CRK: variants seen among roughly 807,000 people sequenced by gnomAD.
CRK encodes the protein adapter molecule crk.
In CRK, 4 loss-of-function variants were observed where a neutral mutation model predicts 29.8. The ratio of observed to expected loss-of-function variants is 0.13; its 90% CI spans 0.07 to 0.31. The LOEUF (loss-of-function observed/expected upper bound fraction) is 0.31, where lower values mean the gene tolerates loss of function less well. Ranked by LOEUF, CRK falls within the 10% of genes least tolerant of loss-of-function variation. The probability of loss-of-function intolerance (pLI) is 1.00; values close to 1 mark genes in which losing one functional copy is unlikely to be tolerated. For synonymous variants in CRK, 153 were observed against 164.9 expected (o/e 0.93, Z 0.55); for missense variants, 274 against 396.5 (o/e 0.69, Z 2.62).
intron 1 of CRK, among the ~76,000 whole-genome samples, chr17:1,448,670 C>G (rs1484553099): frequency 2.8e-5 from 4 of 142,920 alleles, no homozygotes; most frequent in African/African-American, 7.9e-5. Flanking sequence ...ATTATAGGTG[C>G]TCAATAAAAA....
At position 1,455,565 on chromosome 17, in the gene CRK, C is replaced by T. The variant is rs191631231; in HGVS notation, c.241+312G>A. Among the ~76,000 whole-genome samples, 23 of 152,308 alleles carry T rather than the reference C, an allele frequency of 1.5e-4. No homozygotes were observed. The East Asian group carries it at 3.7e-3, about 24-fold the overall frequency. ...CCAACATCTCCCTCAGCTCTTTGTC[C>T]CCACGTTGCCTTGCCCTGCCCTACC... is the stretch of plus-strand genomic sequence containing the variant. On this transcript the variant is annotated intron_variant, in intron 1 of 2. Transcript: ENST00000300574.
chr17:1,421,657 C>T lies in CRK; in HGVS notation c.*1856G>A, dbSNP rs1192927029. The stretch of plus-strand genomic sequence containing the variant: ...AGCTGGCTTCCCTGTGCCACGTCAC[C>T]GGTTTCTCAGGTCTCCTCATTCACT... On this transcript the variant is annotated 3_prime_UTR_variant, in exon 3 of 3. Transcript: ENST00000300574. 1.3e-5 allele frequency: 2 copies of T among 152,168 alleles called. No homozygotes were observed. Among genetic ancestry groups the T allele is most frequent in the Non-Finnish European group, 2.9e-5 (2 of 68,040 alleles). 9.4% of individuals were successfully genotyped at this position (152,168 alleles called of 1,614,324 possible).
chr17:1,451,119 C>T (rs368715811), intron 1 of CRK, among the ~76,000 whole-genome samples: 22 of 131,396 alleles, frequency 1.7e-4, no homozygotes, highest in Admixed American at 5.4e-4. Flanking sequence ...ATGAACCCCA[C>T]GGGGCGGAGC....
At chr17:1,431,473 G>C (rs919489802) in intron 2 of CRK, among the ~76,000 whole-genome samples, 5 of 152,178 alleles carry the variant, frequency 3.3e-5, no homozygotes, top group East Asian at 1.9e-4. Context: ...TGTAATCTCA[G>C]CACTTTGGGA....
intron 1 of CRK, among the ~76,000 whole-genome samples, chr17:1,453,816 A>G (rs1250286532): frequency 6.6e-6 from 1 of 152,162 alleles, no homozygotes; most frequent in Non-Finnish European, 1.5e-5. Context: ...CTGAGACAGG[A>G]GAATCCTTTG....
intron 1 of CRK, among the ~76,000 whole-genome samples, chr17:1,440,694 T>C (rs1399809939): frequency 6.6e-6 from 1 of 151,876 alleles, no homozygotes; most frequent in Non-Finnish European, 1.5e-5. Flanking sequence ...GGGTGGATCA[T>C]GAGGACAGGA....
intron 1 of CRK, among the ~76,000 whole-genome samples, chr17:1,439,778 G>A (rs1243883143): frequency 6.6e-6 from 1 of 152,166 alleles, no homozygotes; most frequent in Non-Finnish European, 1.5e-5. Context: ...GGAAGGTCAA[G>A]GCTACAGTGA....
At chr17:1,445,423 A>G (rs1005662353) in intron 1 of CRK, among the ~76,000 whole-genome samples, 2 of 152,218 alleles carry the variant, frequency 1.3e-5, no homozygotes, top group African/African-American at 4.8e-5. Flanking sequence ...AAGGGGTGCG[A>G]GTGCCAGGAC....
At chr17:1,454,320 CACCT>C (rs2074040615) in intron 1 of CRK, among the ~76,000 whole-genome samples, 1 of 152,198 alleles carries the variant, frequency 6.6e-6, no homozygotes, top group South Asian at 2.1e-4. Flanking sequence ...GCTGGTGGAT[CACCT>C]GAGGTCAGGA....
chr17:1,449,444 G>A (rs2074001728), intron 1 of CRK, among the ~76,000 whole-genome samples: 1 of 152,178 alleles, frequency 6.6e-6, no homozygotes, highest in African/African-American at 2.4e-5. Flanking sequence ...TAGTATGCCA[G>A]TACTGAATAT....
In CRK at chr17:1,423,264, C is replaced by G. The variant is rs2073745231; in HGVS notation, c.*249G>C. On this transcript the variant is annotated 3_prime_UTR_variant, in exon 3 of 3. Coordinates refer to ENST00000300574, the MANE Select transcript of CRK (RefSeq NM_016823.4). ...GGCAAGATACCTATCCCTTCTGATA[C>G]ACACAGGCACGACCACTACCGCCTC... 3.6e-6 allele frequency: 2 copies of G among 550,544 alleles called. No individual in the cohort carries two copies. The highest frequency in any genetic ancestry group is 6.4e-6 in the Non-Finnish European group (2 of 314,274). The allele number at this position is 550,544 out of a possible 1,614,324, so 34.1% of individuals were successfully genotyped here. A position where few individuals can be genotyped will look rare whatever the true frequency, so the allele number is the denominator to read the frequency against.
chr17:1,454,439 C>T (rs1237011466), intron 1 of CRK, among the ~76,000 whole-genome samples: 1 of 152,084 alleles, frequency 6.6e-6, no homozygotes, highest in Admixed American at 6.6e-5. Flanking sequence ...ACTTGGGAGA[C>T]TGAGACAGGA....
rs529393347 is a variant in CRK at position 1,425,294 on chromosome 17, A to G, written c.778-1644T>C. The stretch of plus-strand genomic sequence containing the variant: ...TGTTTAGTAGAGATGGGGTTTCACC[A>G]TGTTAGCCAAGATGGTCTCGATCTC... On this transcript the variant is annotated intron_variant, in intron 2 of 2. Coordinates refer to ENST00000300574, the MANE Select transcript of CRK (RefSeq NM_016823.4). Among the ~76,000 whole-genome samples, 261 of 151,536 alleles carry G rather than the reference A, an allele frequency of 1.7e-3. 1 individual carries two copies. Among genetic ancestry groups the G allele is most frequent in the Non-Finnish European group, 2.7e-3 (183 of 67,888 alleles).
intron 1 of CRK, among the ~76,000 whole-genome samples, chr17:1,444,596 G>GGGGA (rs1555654434): frequency 4.0e-5 from 1 of 24,874 alleles, no homozygotes; most frequent in African/African-American, 5.0e-4. Flanking sequence ...AAGCCGAAGC[G>GGGGA]GGGGGGGGGA....
rs2073739093 is a variant in CRK, at chr17:1,422,658, T to C, written c.*855A>G. ...GAGTCTCCTAATAGGATACTGGCCC[T>C]CTGGAGAAATGGCCCTGCTGGATCC... On this transcript the variant is annotated 3_prime_UTR_variant, in exon 3 of 3. Coordinates refer to ENST00000300574, the MANE Select transcript of CRK (RefSeq NM_016823.4). The C allele has an allele frequency of 1.3e-5, 4 of 315,292 alleles. No individual in the cohort carries two copies. The allele number at this position is 315,292 out of a possible 1,614,324, so 19.5% of individuals were successfully genotyped here.
intron 2 of CRK, among the ~76,000 whole-genome samples, chr17:1,433,457 T>G (rs1192688617): frequency 1.4e-5 from 2 of 146,558 alleles, no homozygotes; most frequent in Non-Finnish European, 3.0e-5. Context: ...GCAGTTTTCC[T>G]ACCTCAGCCT....
intron 2 of CRK, among the ~76,000 whole-genome samples, chr17:1,433,994 C>T (rs2073868076): frequency 6.6e-6 from 1 of 152,106 alleles, no homozygotes. Flanking sequence ...GTCACAGCAC[C>T]TGGCCAAACA....
intron 1 of CRK, among the ~76,000 whole-genome samples, chr17:1,454,585 C>T (rs2074042324): frequency 6.6e-6 from 1 of 152,092 alleles, no homozygotes; most frequent in Non-Finnish European, 1.5e-5. Context: ...TATTTCTGGC[C>T]GGAGCGAGTA....
intron 2 of CRK, among the ~76,000 whole-genome samples, chr17:1,434,510 C>T (rs991579334): frequency 6.6e-6 from 1 of 152,112 alleles, no homozygotes; most frequent in Non-Finnish European, 1.5e-5. Flanking sequence ...TGGCCAGGCA[C>T]GACAGCTCAC....
Sources: gnomAD v4.1 joint callset for allele counts (sites outside exome capture counted in the v4.1 genomes callset) on GRCh38, gnomAD v4.1.1 for gene constraint, MANE v1.5 for transcripts, NCBI Gene and HGNC (gene_info 2026-07-23, HGNC 2026-07-21) for gene names.